Variants in ACACB observed in about 807,000 individuals in gnomAD.
ACACB encodes the protein acetyl-CoA carboxylase 2.
A neutral mutation model predicts 278.8 loss-of-function variants in ACACB; 209 were observed. That is an observed-to-expected ratio of 0.75 (90% confidence interval 0.67 to 0.84). The LOEUF is 0.84. Ranked by LOEUF, ACACB falls within the 40% of genes least tolerant of loss-of-function variation. The pLI is 0.00. For synonymous variants in ACACB, 1,174 were observed against 1,285.6 expected, an observed-to-expected ratio of 0.91 and a Z score of 1.86; for missense variants, 2,850 against 3,269.0, an observed-to-expected ratio of 0.87 and a Z score of 3.13.
At chr12:109,132,074 GTA>G (rs2042843635) in intron 1 of ACACB, among the ~76,000 whole-genome samples, 1 of 152,168 alleles carries the variant, frequency 6.6e-6, no homozygotes, top group Admixed American at 6.5e-5. Flanking sequence ...AGTGGAAAAG[GTA>G]TGAGCAAGGG....
intron 15 of ACACB, among the ~76,000 whole-genome samples, chr12:109,193,217 C>CT (rs10710816): frequency 6.2e-5 from 6 of 96,256 alleles, no homozygotes; most frequent in Admixed American, 4.2e-4. Flanking sequence ...CAGATTTAGC[C>CT]TTTTTTTTTT....
intron 6 of ACACB, among the ~76,000 whole-genome samples, 181 bp downstream of exon 6, chr12:109,172,537 C>T (rs2044153330): frequency 6.6e-6 from 1 of 152,138 alleles, no homozygotes; most frequent in Admixed American, 6.6e-5. Context: ...AATCTGCCAA[C>T]TCATGGAATT....
chr12:109,142,965 T>C (rs949891364), intron 2 of ACACB, among the ~76,000 whole-genome samples: 1 of 152,204 alleles, frequency 6.6e-6, no homozygotes, highest in Non-Finnish European at 1.5e-5. Flanking sequence ...TGTAGATCAA[T>C]CTTTTATCCT....
chr12:109,139,120 G>A (rs1391220705), intron 1 of ACACB, among the ~76,000 whole-genome samples: 2 of 152,120 alleles, frequency 1.3e-5, no homozygotes, highest in African/African-American at 4.8e-5. Context: ...CATATACTTG[G>A]AATCGTATAA....
chr12:109,183,216 A>G (rs1352035934), intron 11 of ACACB, among the ~76,000 whole-genome samples: 1 of 151,726 alleles, frequency 6.6e-6, no homozygotes, highest in African/African-American at 2.4e-5. Flanking sequence ...AGGTAATTCA[A>G]TTCCTCCAGT....
chr12:109,252,308 C>G (rs2047118639), intron 42 of ACACB, 152 bp downstream of exon 42: 1 of 533,536 alleles, frequency 1.9e-6, no homozygotes, highest in Non-Finnish European at 3.2e-6. Flanking sequence ...TTGCAGCTAT[C>G]TGGGTCCTTA....
In ACACB at chr12:109,264,270, G is replaced by C. The variant is rs2047454416; in HGVS notation, c.6826G>C (p.Glu2276Gln). 6.2e-7 allele frequency: 1 copy of C among 1,614,076 alleles called. No individual in the cohort carries two copies. Among genetic ancestry groups the C allele is most frequent in the African/African-American group, 1.3e-5 (1 of 74,924 alleles). ...DLSDKDRKDL[E>Q]GRLKAREDLL... ...CTCCGACAAGGACCGAAAGGACCTG[G>C]AGGGCCGGCTAAAGGCTCGCGAGGA... Residue 2276 changes from glutamate to glutamine, a missense_variant, in exon 50 of 53, where the codon GAG (glutamate) becomes CAG (glutamine). By Grantham distance (29) the Glu-to-Gln change is conservative. Coordinates refer to ENST00000338432, the MANE Select transcript of ACACB (RefSeq NM_001093.4).
intron 41 of ACACB, among the ~76,000 whole-genome samples, chr12:109,251,353 A>ACAG (rs1018994963): frequency 2.0e-5 from 3 of 152,120 alleles, no homozygotes; most frequent in Admixed American, 6.5e-5. Flanking sequence ...ACCTACTCTA[A>ACAG]CAGCAGCAGC....
At chr12:109,185,455 A>T in intron 11 of ACACB, 124 bp from the exon 12 acceptor site, 1 of 1,024,906 alleles carries the variant, frequency 9.8e-7, no homozygotes, top group Non-Finnish European at 1.5e-6. Context: ...TGTTGTCTAT[A>T]GAGTAGTGTC....
At chr12:109,127,686 T>C (rs971300269) in intron 1 of ACACB, among the ~76,000 whole-genome samples, 1 of 152,156 alleles carries the variant, frequency 6.6e-6, no homozygotes, top group Admixed American at 6.5e-5. Flanking sequence ...GAGATGACAG[T>C]TGCAATTATT....
intron 3 of ACACB, chr12:109,167,280 TA>T (rs749811378): frequency 6.4e-3 from 1,749 of 271,200 alleles, no homozygotes; most frequent in South Asian, 0.012. Context: ...ACCAAAGGAA[TA>T]AAAAAAAAAT....
Position 109,264,248 on chromosome 12 carries a change from C to T in ACACB, c.6804C>T (p.Ser2268=), listed in dbSNP as rs757703703. The stretch of plus-strand genomic sequence containing the variant: ...CACCTGCAGGGGAACCTGATCTCTC[C>T]GACAAGGACCGAAAGGACCTGGAGG... ...LMEQLGEPDL[S]DKDRKDLEGR... The change falls in exon 50 of 53, where the codon TCC becomes TCT. Residue 2268 remains serine (S), a synonymous_variant. Coordinates refer to ENST00000338432, the MANE Select transcript of ACACB (RefSeq NM_001093.4). The T allele has an allele frequency of 2.7e-5, 43 of 1,614,152 alleles. No individual in the cohort carries two copies. In the East Asian group the frequency reaches 6.2e-4, roughly 23 times the overall value.
chr12:109,191,686 C>G lies in ACACB; in HGVS notation c.2218C>G (p.Leu740Val), dbSNP rs1307369571. 8.1e-6 allele frequency: 13 copies of G among 1,613,914 alleles called. No individual in the cohort carries two copies. The African/African-American group carries it at 1.6e-4, about 20-fold the overall frequency. Reference sequence around the variant, plus strand: ...GACTACCGTGGAATACCTCATTAACCTCCTGGAGACCGAGAGCTTCCAGAA... The same window carrying G: ...GACTACCGTGGAATACCTCATTAACGTCCTGGAGACCGAGAGCTTCCAGAA... ...FRTTVEYLIN[L>V]LETESFQNND... The change falls in exon 14 of 53, where the codon CTC becomes GTC. Residue 740 changes from leucine (L) to valine (V), a missense_variant. Transcript: ENST00000338432.
chr12:109,177,842 T>TA (rs1180620586), intron 9 of ACACB, among the ~76,000 whole-genome samples: 1 of 152,184 alleles, frequency 6.6e-6, no homozygotes, highest in Non-Finnish European at 1.5e-5. Context: ...TTTTGCTTTT[T>TA]AAAAAATAGA....
rs151300416 is a variant in ACACB, at chr12:109,246,330, G to A, written c.5453G>A (p.Arg1818Gln). The A allele has an allele frequency of 2.7e-5, 43 of 1,612,912 alleles. No homozygotes were observed. Among genetic ancestry groups the A allele is most frequent in the Non-Finnish European group, 3.1e-5 (37 of 1,179,832 alleles). Reference protein sequence around the residue: ...LLYLRASEMARAEGIPKIYVA... With the variant: ...LLYLRASEMAQAEGIPKIYVA... ...TACCTGCGGGCATCCGAGATGGCCC[G>A]GGCAGAGGGCATTCCCAAAATTTAC... Residue 1818 changes from arginine (R) to glutamine (Q), a missense_variant, in exon 39 of 53, where the codon CGG becomes CAG. This residue lies in a region of ACACB where 2,265 missense variants were observed against 2,561.3 expected (regional missense o/e 0.88). Transcript: ENST00000338432.
chr12:109,259,062 C>T lies in ACACB; in HGVS notation c.6450C>T (p.Pro2150=). The T allele has an allele frequency of 6.2e-7, 1 of 1,614,100 alleles. No individual in the cohort carries two copies. Among genetic ancestry groups the T allele is most frequent in the South Asian group, 1.1e-5 (1 of 91,072 alleles). Residue 2150 remains proline, a synonymous_variant, in exon 47 of 53, where the codon CCC becomes CCT. Coordinates refer to ENST00000338432, the MANE Select transcript of ACACB (RefSeq NM_001093.4). ...AGGACTTCAACCGGGAGAAGTTGCC[C>T]CTGATGATCTTTGCCAACTGGAGGG... ...AVKDFNREKL[P]LMIFANWRGF...
intron 4 of ACACB, among the ~76,000 whole-genome samples, chr12:109,169,593 G>T (rs2044040313): frequency 6.6e-6 from 1 of 152,118 alleles, no homozygotes; most frequent in Non-Finnish European, 1.5e-5. Flanking sequence ...TGGGCCTGTT[G>T]CAGAGTCTTG....
chr12:109,244,457 A>G (rs181644520), intron 37 of ACACB, among the ~76,000 whole-genome samples: 1 of 152,210 alleles, frequency 6.6e-6, no homozygotes, highest in Non-Finnish European at 1.5e-5. Flanking sequence ...TGGGCGCTTA[A>G]TAAGTGGAAA....
At chr12:109,237,668 T>G (rs1276103639) in intron 34 of ACACB, among the ~76,000 whole-genome samples, 1 of 152,142 alleles carries the variant, frequency 6.6e-6, no homozygotes, top group Non-Finnish European at 1.5e-5. Flanking sequence ...AGGGAATTTC[T>G]TAATATTTGC....
Sources: allele counts gnomAD v4.1 joint callset (sites outside exome capture counted in the v4.1 genomes callset), GRCh38; gene constraint gnomAD v4.1.1; regional missense constraint gnomAD v4.1.1; transcripts MANE v1.5; gene names NCBI Gene and HGNC (gene_info 2026-07-23, HGNC 2026-07-21).